NFYC: variants seen among roughly 807,000 people sequenced by gnomAD.
NFYC encodes CAAT box DNA-binding protein subunit C.
Under a neutral mutation model 53.1 loss-of-function variants are expected in NFYC, and 25 were observed. That is an observed-to-expected ratio of 0.47 (90% confidence interval 0.34 to 0.66). NFYC has a LOEUF of 0.66. Ranked by LOEUF, NFYC falls within the 30% of genes least tolerant of loss-of-function variation. NFYC has a pLI of 0.01. For missense variants in NFYC, 260 were observed against 422.7 expected (o/e 0.62, Z 3.38); for synonymous variants, 145 against 152.6 (o/e 0.95, Z 0.37).
At chr1:40,719,187 T>G (rs1214239462) in intron 1 of NFYC, among the ~76,000 whole-genome samples, 1 of 152,212 alleles carries the variant, frequency 6.6e-6, no homozygotes, top group Non-Finnish European at 1.5e-5. Flanking sequence ...TCTTAAATAA[T>G]CCGTTGCTTT....
intron 7 of NFYC, among the ~76,000 whole-genome samples, chr1:40,764,082 T>A (rs956409901): frequency 3.2e-4 from 48 of 152,268 alleles, no homozygotes; most frequent in African/African-American, 1.2e-3. Flanking sequence ...TTGGCTTTTT[T>A]ATTTGTACTC....
chr1:40,711,282 T>C (rs1049856511), intron 1 of NFYC, among the ~76,000 whole-genome samples: 4 of 152,344 alleles, frequency 2.6e-5, no homozygotes, highest in East Asian at 3.9e-4. Flanking sequence ...ATTTAAGTCC[T>C]AAGATGAAGA....
At chr1:40,729,169 C>T (rs1185912340) in intron 1 of NFYC, among the ~76,000 whole-genome samples, 1 of 152,160 alleles carries the variant, frequency 6.6e-6, no homozygotes, top group Admixed American at 6.5e-5. Context: ...CATCGGCTTC[C>T]ACAGGCATTG....
At chr1:40,759,231 A>AT (rs200287967) in intron 6 of NFYC, among the ~76,000 whole-genome samples, 3,698 of 115,668 alleles carry the variant, frequency 0.032, 51 homozygotes, top group Non-Finnish European at 0.05. Flanking sequence ...CTCTTCTTTA[A>AT]TTAAAAAAAA....
chr1:40,713,516 A>G (rs990062563), intron 1 of NFYC, among the ~76,000 whole-genome samples: 4 of 152,226 alleles, frequency 2.6e-5, no homozygotes, highest in African/African-American at 9.6e-5. Context: ...TTAAAAGTTG[A>G]ACATGGCTGT....
At chr1:40,728,126 A>G (rs1213879070) in intron 1 of NFYC, among the ~76,000 whole-genome samples, 1 of 151,282 alleles carries the variant, frequency 6.6e-6, no homozygotes, top group African/African-American at 2.4e-5. Context: ...GTTGGCCAGG[A>G]TGGTCTCGAA....
At chr1:40,710,759 T>A (rs760072148) in intron 1 of NFYC, among the ~76,000 whole-genome samples, 9 of 152,170 alleles carry the variant, frequency 5.9e-5, no homozygotes, top group African/African-American at 9.7e-5. Context: ...ACTGATAGGA[T>A]TTAGATTCGG....
intron 1 of NFYC, among the ~76,000 whole-genome samples, chr1:40,731,432 C>T (rs1644764525): frequency 2.9e-5 from 1 of 34,078 alleles, no homozygotes; most frequent in South Asian, 1.3e-3. Flanking sequence ...GCCTCAGCCT[C>T]CCAAAGTTGG....
chr1:40,742,039 G>A (rs970902963), intron 2 of NFYC, among the ~76,000 whole-genome samples: 1 of 151,814 alleles, frequency 6.6e-6, no homozygotes, highest in African/African-American at 2.4e-5. Flanking sequence ...AAGTAGCTAG[G>A]ACTCTAGTTG....
At chr1:40,708,985 A>G (rs1643849773) in intron 1 of NFYC, among the ~76,000 whole-genome samples, 1 of 152,248 alleles carries the variant, frequency 6.6e-6, no homozygotes. Flanking sequence ...CTGACAGCCA[A>G]TAAGAAATCC....
chr1:40,724,498 T>C (rs1297776803), intron 1 of NFYC, among the ~76,000 whole-genome samples: 1 of 152,276 alleles, frequency 6.6e-6, no homozygotes, highest in East Asian at 1.9e-4. Flanking sequence ...AATACTTCAC[T>C]AAATACTTGA....
intron 1 of NFYC, among the ~76,000 whole-genome samples, chr1:40,704,290 C>T (rs150751448): frequency 0.045 from 6,907 of 152,206 alleles, 201 homozygotes; most frequent in Middle Eastern, 0.068. Context: ...CCAGGATGGT[C>T]TCGATCTCCT....
intron 1 of NFYC, among the ~76,000 whole-genome samples, chr1:40,715,704 A>G (rs1304626525): frequency 1.3e-5 from 2 of 152,102 alleles, no homozygotes; most frequent in African/African-American, 4.8e-5. Context: ...GTTTTTCTCT[A>G]CTTATAGTAT....
At chr1:40,711,565 G>A (rs1013246176) in intron 1 of NFYC, among the ~76,000 whole-genome samples, 4 of 152,148 alleles carry the variant, frequency 2.6e-5, no homozygotes, top group East Asian at 1.9e-4. Flanking sequence ...GCCTCTAGCC[G>A]AGGTTCTTCA....
At chr1:40,723,382 A>G (rs565567734) in intron 1 of NFYC, 1 of 152,290 alleles carries the variant, frequency 6.6e-6, no homozygotes, top group African/African-American at 2.4e-5. Context: ...GGCCTGAAAA[A>G]CCAGTTACTC....
intron 1 of NFYC, among the ~76,000 whole-genome samples, chr1:40,713,625 G>T (rs938351042): frequency 1.3e-5 from 2 of 152,164 alleles, no homozygotes; most frequent in African/African-American, 4.8e-5. Flanking sequence ...ATCACTTAGG[G>T]ATCTAGTCTA....
chr1:40,731,168 A>G (rs1269648495), intron 1 of NFYC, among the ~76,000 whole-genome samples: 10 of 151,994 alleles, frequency 6.6e-5, no homozygotes, highest in Non-Finnish European at 1.5e-4. Context: ...GAATAATTGG[A>G]TAAATAATCA....
intron 1 of NFYC, among the ~76,000 whole-genome samples, chr1:40,707,071 G>T (rs888736348): frequency 1.3e-5 from 2 of 151,916 alleles, no homozygotes; most frequent in African/African-American, 4.8e-5. Context: ...TCGGGAGGCC[G>T]AGGCATGAGA....
At chr1:40,707,857 A>T in intron 1 of NFYC, among the ~76,000 whole-genome samples, 1 of 151,650 alleles carries the variant, frequency 6.6e-6, no homozygotes, top group East Asian at 1.9e-4. Flanking sequence ...CTCAAAAAAA[A>T]AAAAAAAAAG....
Sources: gnomAD v4.1 joint callset for allele counts (sites outside exome capture counted in the v4.1 genomes callset) on GRCh38, gnomAD v4.1.1 for gene constraint, MANE v1.5 for transcripts, NCBI Gene and HGNC (gene_info 2026-07-23, HGNC 2026-07-21) for gene names.